AKT3: variants seen among roughly 807,000 people sequenced by gnomAD.
AKT3 encodes the protein RAC-gamma serine/threonine-protein kinase.
AKT3 carries 15 observed loss-of-function variants against 65.3 expected under a neutral mutation model. The ratio of observed to expected loss-of-function variants is 0.23; its 90% CI spans 0.15 to 0.35. AKT3 has a LOEUF of 0.35. Ranked by LOEUF, AKT3 falls within the 10% of genes least tolerant of loss-of-function variation. The probability of loss-of-function intolerance (pLI) is 1.00; values close to 1 mark genes in which losing one functional copy is unlikely to be tolerated. For synonymous variants in AKT3, 206 were observed against 183.8 expected (o/e 1.12, Z -0.98); for missense variants, 243 against 576.5 (o/e 0.42, Z 5.92).
At chr1:243,649,215 CTAAT>C (rs1305497160) in intron 4 of AKT3, among the ~76,000 whole-genome samples, 2 of 151,500 alleles carry the variant, frequency 1.3e-5, no homozygotes, top group Non-Finnish European at 2.9e-5. Flanking sequence ...TTATTGATTT[CTAAT>C]TAATTCTGTG....
At position 243,649,365 on chromosome 1, in the gene AKT3, GGT is replaced by G. The variant is rs371927740; in HGVS notation, c.285-3330_285-3329del. 6.0e-3 allele frequency among the ~76,000 whole-genome samples: 809 copies of G among 135,928 alleles called. 11 individuals are homozygous for G. Among genetic ancestry groups the G allele is most frequent in the African/African-American group, 0.02 (729 of 36,550 alleles). The allele number at this position is 135,928 out of a possible 152,430, so 89.2% of individuals were successfully genotyped here. ...TGTGTGTGTGTGTGTGTGTATGTTG[GGT>G]GTGTGTGTGTGTATATATATATGTT... is the stretch of plus-strand genomic sequence containing the variant. On this transcript the variant is annotated intron_variant, in intron 4 of 13. Transcript: ENST00000673466.
intron 4 of AKT3, among the ~76,000 whole-genome samples, chr1:243,650,355 C>T (rs1407739108): frequency 6.6e-6 from 1 of 152,132 alleles, no homozygotes; most frequent in Non-Finnish European, 1.5e-5. Flanking sequence ...ATTCTGTAGG[C>T]TGCCTGTTCT....
chr1:243,510,695 C>T (rs1669958833), intron 13 of AKT3, among the ~76,000 whole-genome samples: 2 of 152,170 alleles, frequency 1.3e-5, no homozygotes, highest in South Asian at 2.1e-4. Context: ...GAAGATGGAA[C>T]AGGAAGAGGT....
intron 2 of AKT3, among the ~76,000 whole-genome samples, chr1:243,826,986 AAATT>A (rs1694208560): frequency 1.3e-5 from 2 of 152,218 alleles, no homozygotes; most frequent in Admixed American, 6.5e-5. Flanking sequence ...ATTTTTATAT[AAATT>A]AATAAAATAC....
intron 6 of AKT3, chr1:243,625,135 T>G (rs1424080381): frequency 4.4e-5 from 7 of 157,740 alleles, no homozygotes; most frequent in East Asian, 3.6e-4. Context: ...TTTTTTTTTT[T>G]TTTTTTTTTT....
At chr1:243,723,599 C>A (rs527757300) in intron 2 of AKT3, among the ~76,000 whole-genome samples, 12 of 152,282 alleles carry the variant, frequency 7.9e-5, no homozygotes, top group African/African-American at 2.4e-4. Flanking sequence ...CAGCCACCAA[C>A]CCCTATGGAA....
intron 3 of AKT3, among the ~76,000 whole-genome samples, chr1:243,691,498 C>A (rs1378965565): frequency 6.6e-6 from 1 of 152,010 alleles, no homozygotes; most frequent in Non-Finnish European, 1.5e-5. Context: ...TAAGAATCTA[C>A]AGCAGATATG....
intron 3 of AKT3, among the ~76,000 whole-genome samples, chr1:243,679,600 T>C (rs1371422303): frequency 6.6e-6 from 1 of 152,216 alleles, no homozygotes; most frequent in Non-Finnish European, 1.5e-5. Context: ...ATAATGTCTT[T>C]CTGTCAGTAT....
rs550953452 is a variant in AKT3 at position 243,566,658 on chromosome 1, C to G, written c.820-2810G>C. Among the ~76,000 whole-genome samples the G allele has an allele frequency of 7.8e-4, 118 of 152,156 alleles. No homozygotes were observed. The Middle Eastern group carries it at 0.014, about 18-fold the overall frequency. On this transcript the variant is annotated intron_variant, in intron 9 of 13. Coordinates refer to ENST00000673466, the MANE Select transcript of AKT3 (RefSeq NM_005465.7). Reference sequence around the variant, plus strand: ...CTTTATCCCTTATTCACTGTGTGACCTTGGGCATATTATTAATTTCTACGT... The same window carrying G: ...CTTTATCCCTTATTCACTGTGTGACGTTGGGCATATTATTAATTTCTACGT...
At chr1:243,649,615 C>T (rs1056608922) in intron 4 of AKT3, among the ~76,000 whole-genome samples, 1 of 151,944 alleles carries the variant, frequency 6.6e-6, no homozygotes, top group Non-Finnish European at 1.5e-5. Context: ...TCCCTGTGTC[C>T]ATGTGTTCTC....
At chr1:243,582,275 T>A (rs577066951) in intron 8 of AKT3, among the ~76,000 whole-genome samples, 25 of 150,720 alleles carry the variant, frequency 1.7e-4, no homozygotes, top group Admixed American at 1.6e-3. Context: ...AAAATAAACA[T>A]CACTAAGGAT....
chr1:243,658,982 A>G (rs2147895264), intron 4 of AKT3, among the ~76,000 whole-genome samples: 1 of 152,134 alleles, frequency 6.6e-6, no homozygotes, highest in East Asian at 1.9e-4. Context: ...GTAAGCCATG[A>G]TCACACCACT....
At position 243,512,418 on chromosome 1, in the gene AKT3, A is replaced by T; in HGVS notation, c.1260T>A (p.Pro420=). The change falls in exon 13 of 14, where the codon CCT becomes CCA. Residue 420 remains proline (P), a synonymous_variant. Coordinates refer to ENST00000673466, the MANE Select transcript of AKT3 (RefSeq NM_005465.7). ...WQDVYDKKLV[P]PFKPQVTSET... is the part of the protein sequence containing the mutation. ...CAGATGTTACTTGAGGTTTAAAAGG[A>T]GGTACAAGCTGTAAAAAGAAAGAAA... is the stretch of plus-strand genomic sequence containing the variant. 3.9e-6 allele frequency: 6 copies of T among 1,551,424 alleles called. No homozygotes were observed. The highest frequency in any genetic ancestry group is 5.3e-6 in the Non-Finnish European group (6 of 1,142,774).
chr1:243,592,063 C>T (rs887420242), intron 8 of AKT3, among the ~76,000 whole-genome samples: 5 of 152,106 alleles, frequency 3.3e-5, no homozygotes, highest in African/African-American at 9.7e-5. Context: ...TGGCCAGGCA[C>T]GGTAGCTCAC....
At chr1:243,833,875 C>T (rs1694707156) in intron 2 of AKT3, among the ~76,000 whole-genome samples, 1 of 151,724 alleles carries the variant, frequency 6.6e-6, no homozygotes, top group Non-Finnish European at 1.5e-5. Context: ...GCCTGGACAA[C>T]ATATTGAGAC....
chr1:243,751,000 A>G (rs1013416877), intron 2 of AKT3, among the ~76,000 whole-genome samples: 1 of 152,202 alleles, frequency 6.6e-6, no homozygotes, highest in Non-Finnish European at 1.5e-5. Flanking sequence ...AAACACTACA[A>G]ACACACAGAA....
At chr1:243,784,089 T>C (rs2148317387) in intron 2 of AKT3, among the ~76,000 whole-genome samples, 1 of 152,206 alleles carries the variant, frequency 6.6e-6, no homozygotes, top group Non-Finnish European at 1.5e-5. Context: ...TGATAAATGC[T>C]ATGAAAACAA....
intron 1 of AKT3, chr1:243,843,636 G>C: frequency 1.2e-6 from 1 of 867,660 alleles, no homozygotes; most frequent in Non-Finnish European, 1.4e-6. Context: ...TGTAATTTCA[G>C]AAGCAATTGT....
chr1:243,603,205 T>C (rs185075061), intron 8 of AKT3, among the ~76,000 whole-genome samples: 1 of 152,314 alleles, frequency 6.6e-6, no homozygotes, highest in East Asian at 1.9e-4. Context: ...CTGAACTCAC[T>C]CTTACAACCT....
Sources: gnomAD v4.1 joint callset for allele counts (sites outside exome capture counted in the v4.1 genomes callset) on GRCh38, gnomAD v4.1.1 for gene constraint, MANE v1.5 for transcripts, NCBI Gene and HGNC (gene_info 2026-07-23, HGNC 2026-07-21) for gene names.